The following KCNIP3 variants were observed in gnomAD, a reference collection of about 807,000 sequenced individuals.
KCNIP3 encodes the protein potassium voltage-gated channel interacting protein 3.
In KCNIP3, 28 loss-of-function variants were observed where a neutral mutation model predicts 35.0. That is an observed-to-expected ratio of 0.80 (90% CI 0.59 to 1.10). The LOEUF is 1.10. KCNIP3 is among the 50% of genes least tolerant of loss of function. The pLI, the probability that KCNIP3 is intolerant of heterozygous loss-of-function variation, is 0.00. For synonymous variants in KCNIP3, 134 were observed against 133.8 expected, an observed-to-expected ratio of 1.00 and a Z score of -0.01; for missense variants, 295 against 338.4, an observed-to-expected ratio of 0.87 and a Z score of 1.01.
chr2:95,366,204 TAGTC>T (rs1050191495), intron 2 of KCNIP3, among the ~76,000 whole-genome samples: 8 of 152,270 alleles, frequency 5.3e-5, no homozygotes, highest in Admixed American at 5.2e-4. Flanking sequence ...GCCTCTTTGG[TAGTC>T]AGCCCCCAGG....
At chr2:95,318,595 C>T (rs1678514986) in intron 2 of KCNIP3, among the ~76,000 whole-genome samples, 1 of 152,156 alleles carries the variant, frequency 6.6e-6, no homozygotes, top group Non-Finnish European at 1.5e-5. Flanking sequence ...AGTTCCACTC[C>T]AGGCTCTCCC....
chr2:95,377,114 C>G lies in KCNIP3; in HGVS notation c.447+1906C>G, dbSNP rs549522867. On this transcript the variant is annotated intron_variant, in intron 5 of 8. Coordinates refer to ENST00000295225, the MANE Select transcript of KCNIP3 (RefSeq NM_013434.5). This position sits in a 1 kb window ranked among gnomAD's most constrained non-coding sequence, Gnocchi z 4.7. Reference sequence around the variant, plus strand: ...CGGACCTTCTGGGATTTGCCAGCAGCAGGGAGCCCCAGGTGAGCAGCGCCA... The same window carrying G: ...CGGACCTTCTGGGATTTGCCAGCAGGAGGGAGCCCCAGGTGAGCAGCGCCA... Among the ~76,000 whole-genome samples the G allele has an allele frequency of 2.6e-5, 4 of 152,362 alleles. No individual in the cohort carries two copies. In the East Asian group the frequency reaches 7.7e-4, roughly 29 times the overall value.
chr2:95,335,277 T>C (rs1024720613), intron 2 of KCNIP3, among the ~76,000 whole-genome samples: 1 of 152,260 alleles, frequency 6.6e-6, no homozygotes, highest in African/African-American at 2.4e-5. Context: ...AATGATATAT[T>C]CTCACAATTT....
rs1255929945 is a variant in KCNIP3 at position 95,382,749 on chromosome 2, G to A, written c.660+268G>A. ...GGCCGGAGCTCCATGCCTCCTGAGAGCTGTGTGGCTCCTCCAGGAAGACGC... is the reference window on the plus strand; with the variant it reads ...GGCCGGAGCTCCATGCCTCCTGAGAACTGTGTGGCTCCTCCAGGAAGACGC... On this transcript the variant is annotated intron_variant, in intron 7 of 8. Transcript: ENST00000295225. This position sits in a 1 kb window ranked among gnomAD's most constrained non-coding sequence, Gnocchi z 4.5. 6.6e-6 allele frequency among the ~76,000 whole-genome samples: 1 copy of A among 152,212 alleles called. No individual in the cohort carries two copies. Among genetic ancestry groups the A allele is most frequent in the Non-Finnish European group, 1.5e-5 (1 of 68,038 alleles).
In KCNIP3 at chr2:95,339,082, G is replaced by A. The variant is rs180789443; in HGVS notation, c.181+28562G>A. ...TTTACTTGCTATCTTGACTCAGCGG[G>A]TGGAGGATGAGGCTCTGGGCCCTGT... On this transcript the variant is annotated intron_variant, in intron 2 of 8. Transcript: ENST00000295225. Among the ~76,000 whole-genome samples the A allele has an allele frequency of 1.2e-4, 18 of 152,332 alleles. No homozygotes were observed. In the East Asian group the frequency reaches 2.7e-3, roughly 23 times the overall value.
At chr2:95,310,134 G>T in intron 1 of KCNIP3, 2 of 676,404 alleles carry the variant, frequency 3.0e-6, no homozygotes, top group Non-Finnish European at 5.4e-6. Flanking sequence ...CCTCTTCCAG[G>T]GGTCCCATCT....
chr2:95,326,262 TCACA>T (rs1427810543), intron 2 of KCNIP3, among the ~76,000 whole-genome samples: 5 of 9,428 alleles, frequency 5.3e-4, no homozygotes, highest in East Asian at 3.5e-3. Context: ...ACACATACAC[TCACA>T]CATACACTCA....
intron 2 of KCNIP3, among the ~76,000 whole-genome samples, chr2:95,325,527 G>C (rs1678715239): frequency 6.6e-6 from 1 of 152,082 alleles, no homozygotes; most frequent in Non-Finnish European, 1.5e-5. Flanking sequence ...CCCAAAACAG[G>C]TGTCCTGGAG....
Position 95,326,881 on chromosome 2 carries a change from G to A in KCNIP3, c.181+16361G>A, listed in dbSNP as rs192823324. On this transcript the variant is annotated intron_variant, in intron 2 of 8. Transcript: ENST00000295225. Reference sequence around the variant, plus strand: ...AACTCCCCTCGCCCTGCCCTTCCTCGGCAGGGCACTCATGCGTGGGGCCCT... The same window carrying A: ...AACTCCCCTCGCCCTGCCCTTCCTCAGCAGGGCACTCATGCGTGGGGCCCT... Among the ~76,000 whole-genome samples, 699 of 152,252 alleles carry A rather than the reference G, an allele frequency of 4.6e-3. 2 individuals are homozygous for A. The highest frequency in any genetic ancestry group is 8.3e-3 in the Non-Finnish European group (564 of 68,014).
At position 95,376,709 on chromosome 2, in the gene KCNIP3, T is replaced by A. The variant is rs1407110549; in HGVS notation, c.447+1501T>A. 6.6e-6 allele frequency among the ~76,000 whole-genome samples: 1 copy of A among 152,226 alleles called. No homozygotes were observed. The highest frequency in any genetic ancestry group is 1.5e-5 in the Non-Finnish European group (1 of 68,036). On this transcript the variant is annotated intron_variant, in intron 5 of 8. Transcript: ENST00000295225. This position sits in a 1 kb window ranked among gnomAD's most constrained non-coding sequence, Gnocchi z 4.2. ...GGAAGGAGGAGGGCACAAGCCCCCA[T>A]GGCCCCATCCTGGGAGCCCCACAGA...
chr2:95,383,160 G>C, intron 7 of KCNIP3, 72 bp from the exon 8 acceptor site: 1 of 847,796 alleles, frequency 1.2e-6, no homozygotes, highest in Non-Finnish European at 1.8e-6. Flanking sequence ...CATGACTTCT[G>C]CGTCCTCAGG....
intron 2 of KCNIP3, among the ~76,000 whole-genome samples, chr2:95,361,408 G>A (rs1268508248): frequency 1.3e-5 from 2 of 152,042 alleles, no homozygotes; most frequent in Non-Finnish European, 2.9e-5. Context: ...GACACCCTGT[G>A]GCCAGAGTGA....
At chr2:95,381,563 G>T in intron 5 of KCNIP3, 33 bp from the exon 6 acceptor site, 1 of 1,488,288 alleles carries the variant, frequency 6.7e-7, no homozygotes, top group Non-Finnish European at 9.4e-7. Flanking sequence ...GCATTGATTG[G>T]ATGTCACGCC....
chr2:95,322,331 C>T (rs1678616574), intron 2 of KCNIP3, among the ~76,000 whole-genome samples: 1 of 152,088 alleles, frequency 6.6e-6, no homozygotes, highest in Non-Finnish European at 1.5e-5. Flanking sequence ...CACTGCACTC[C>T]AGCCTGGGTA....
intron 2 of KCNIP3, among the ~76,000 whole-genome samples, chr2:95,367,825 G>A (rs1174338007): frequency 2.7e-5 from 4 of 146,862 alleles, no homozygotes; most frequent in East Asian, 2.0e-4. Flanking sequence ...GCAATGGCAC[G>A]ATCTCAGCTC....
intron 2 of KCNIP3, among the ~76,000 whole-genome samples, chr2:95,316,299 A>T (rs1678459072): frequency 6.6e-6 from 1 of 152,226 alleles, no homozygotes; most frequent in Non-Finnish European, 1.5e-5. Context: ...GGTGCACAGG[A>T]GGCCCGCCGG....
chr2:95,330,048 C>T (rs1429328167), intron 2 of KCNIP3, among the ~76,000 whole-genome samples: 4 of 152,218 alleles, frequency 2.6e-5, no homozygotes, highest in Admixed American at 6.5e-5. Flanking sequence ...CTCAGGACGT[C>T]CCTCACCTCC....
At chr2:95,334,581 A>T (rs1433196035) in intron 2 of KCNIP3, among the ~76,000 whole-genome samples, 1 of 152,184 alleles carries the variant, frequency 6.6e-6, no homozygotes, top group Non-Finnish European at 1.5e-5. Context: ...GCCTTGTACA[A>T]ACTCTAAGAG....
intron 2 of KCNIP3, among the ~76,000 whole-genome samples, chr2:95,361,364 A>C (rs1195099777): frequency 6.6e-6 from 1 of 152,054 alleles, no homozygotes; most frequent in Non-Finnish European, 1.5e-5. Context: ...ACCTCCCGCC[A>C]GTTCCCTTCA....
Sources: allele counts gnomAD v4.1 joint callset (sites outside exome capture counted in the v4.1 genomes callset), GRCh38; gene constraint gnomAD v4.1.1; non-coding constraint Gnocchi (gnomAD v3.1); transcripts MANE v1.5; gene names NCBI Gene and HGNC (gene_info 2026-07-23, HGNC 2026-07-21).